Variants in ST6GALNAC6 observed in about 807,000 individuals in gnomAD.
The protein encoded by ST6GALNAC6 is alpha-N-acetylgalactosaminide alpha-2,6-sialyltransferase 6.
In ST6GALNAC6, 19 loss-of-function variants were observed where a neutral mutation model predicts 34.3. The ratio of observed to expected loss-of-function variants is 0.55; its 90% CI spans 0.39 to 0.81. The LOEUF (loss-of-function observed/expected upper bound fraction) is 0.81. ST6GALNAC6 is among the 40% of genes least tolerant of loss of function. The pLI is 0.00. For synonymous variants in ST6GALNAC6, 185 were observed against 182.1 expected, an observed-to-expected ratio of 1.02 and a Z score of -0.13; for missense variants, 377 against 467.7, an observed-to-expected ratio of 0.81 and a Z score of 1.79.
intron 2 of ST6GALNAC6, chr9:127,896,972 G>A (rs1830498130): frequency 1.0e-6 from 1 of 983,160 alleles, no homozygotes; most frequent in African/African-American, 1.7e-5. Context: ...GGATCTCTCG[G>A]GGGCTAAGGG....
intron 3 of ST6GALNAC6, 89 bp downstream of exon 3, chr9:127,896,153 T>C: frequency 7.0e-7 from 1 of 1,428,836 alleles, no homozygotes; most frequent in South Asian, 1.1e-5. Flanking sequence ...AGACTCGTGG[T>C]GGCTGGGGTC....
upstream of ST6GALNAC6, chr9:127,899,710 G>T (rs964087574): frequency 2.0e-4 from 198 of 972,260 alleles, no homozygotes; most frequent in Non-Finnish European, 2.4e-4. Flanking sequence ...CACGGGCGGC[G>T]CGGGCGGGGA....
At chr9:127,900,273 C>A (rs1257511154), upstream of ST6GALNAC6, among the ~76,000 whole-genome samples, 1 of 152,144 alleles carries the variant, frequency 6.6e-6, no homozygotes, top group Admixed American at 6.5e-5. Context: ...ATGAAGGATG[C>A]GGGCCAGGCG....
rs767269280 is a variant in ST6GALNAC6, at chr9:127,889,695, G to A, written c.704+942C>T. ...CCTGACCTCGTGATCCGTCCACTTC[G>A]GCCTCCCAAAGTACTGGGATTACAG... On this transcript the variant is annotated intron_variant, in intron 5 of 6. Coordinates refer to ENST00000373146, the MANE Select transcript of ST6GALNAC6 (RefSeq NM_013443.5). Among the ~76,000 whole-genome samples the A allele has an allele frequency of 3.3e-5, 5 of 151,880 alleles. No homozygotes were observed. The East Asian group carries it at 9.7e-4, about 29-fold the overall frequency.
chr9:127,899,808 A>G (rs1830687901), upstream of ST6GALNAC6, among the ~76,000 whole-genome samples: 1 of 152,120 alleles, frequency 6.6e-6, no homozygotes, highest in Admixed American at 6.5e-5. Context: ...ACCAAAATAC[A>G]ACAGCCTTTC....
At chr9:127,903,490 G>T (rs1433472860), upstream of ST6GALNAC6, 4 of 152,198 alleles carry the variant, frequency 2.6e-5, no homozygotes, top group African/African-American at 9.7e-5. Flanking sequence ...TATATGGGAA[G>T]TTAATACCAG....
upstream of ST6GALNAC6, chr9:127,899,622 C>G (rs946336775): frequency 1.7e-5 from 17 of 982,688 alleles, no homozygotes; most frequent in African/African-American, 2.3e-4. Flanking sequence ...CGCGGCCCGC[C>G]GGGTCCTAGC....
At chr9:127,896,425 A>G (rs1830459248) in intron 2 of ST6GALNAC6, 93 bp from the exon 3 acceptor site, 4 of 1,078,312 alleles carry the variant, frequency 3.7e-6, no homozygotes, top group Middle Eastern at 3.0e-4. Flanking sequence ...TAGTTCTTCT[A>G]TGCACCCAGA....
At chr9:127,899,648 C>G (rs1830678931), upstream of ST6GALNAC6, 1 of 983,606 alleles carries the variant, frequency 1.0e-6, no homozygotes, top group Non-Finnish European at 1.2e-6. Flanking sequence ...CGTCACGGCC[C>G]GGCCCAGGCC....
intron 2 of ST6GALNAC6, among the ~76,000 whole-genome samples, chr9:127,897,671 G>A (rs1055434163): frequency 6.6e-6 from 1 of 152,156 alleles, no homozygotes; most frequent in Non-Finnish European, 1.5e-5. Context: ...CTCACAGACC[G>A]TTAGAGCAAA....
chr9:127,901,121 T>C (rs1452147910), upstream of ST6GALNAC6, among the ~76,000 whole-genome samples: 1 of 150,968 alleles, frequency 6.6e-6, no homozygotes, highest in Non-Finnish European at 1.5e-5. Flanking sequence ...CATAGCAGCA[T>C]CGCTATGGGG....
intron 1 of ST6GALNAC6, 94 bp from the exon 2 acceptor site, chr9:127,898,104 T>C: frequency 1.4e-6 from 1 of 738,710 alleles, no homozygotes; most frequent in Non-Finnish European, 2.3e-6. Context: ...TTGAAAGTGC[T>C]CCCACATTGG....
intron 5 of ST6GALNAC6, among the ~76,000 whole-genome samples, chr9:127,888,677 G>A (rs1203659913): frequency 2.6e-5 from 4 of 152,078 alleles, no homozygotes; most frequent in South Asian, 2.1e-4. Flanking sequence ...GTGGTGGCAC[G>A]TGCCTGTGAT....
chr9:127,900,508 C>T (rs2417060), upstream of ST6GALNAC6, among the ~76,000 whole-genome samples: 69,388 of 139,174 alleles, frequency 0.5, 20,292 homozygotes, highest in Non-Finnish European at 0.64. Flanking sequence ...TGCGGTGAGC[C>T]GAGATCACGC....
chr9:127,886,460 G>C lies in ST6GALNAC6; in HGVS notation c.*139C>G. On this transcript the variant is annotated 3_prime_UTR_variant, in exon 7 of 7. Coordinates refer to ENST00000373146, the MANE Select transcript of ST6GALNAC6 (RefSeq NM_013443.5). ...TTCCCCAGGCCCTGATTGGCTGGAG[G>C]ATACATCCTCCTCAAGGCCCTGATT... 6.9e-7 allele frequency: 1 copy of C among 1,455,188 alleles called. No individual in the cohort carries two copies. The allele number at this position is 1,455,188 out of a possible 1,614,324, so 90.1% of individuals were successfully genotyped here.
At chr9:127,903,346 A>T (rs1830827423), upstream of ST6GALNAC6, 1 of 152,176 alleles carries the variant, frequency 6.6e-6, no homozygotes, top group African/African-American at 2.4e-5. Context: ...TTGTAAATGC[A>T]CACATAAAGT....
upstream of ST6GALNAC6, among the ~76,000 whole-genome samples, chr9:127,902,201 C>T (rs1363169813): frequency 2.0e-5 from 3 of 152,188 alleles, no homozygotes; most frequent in Non-Finnish European, 2.9e-5. Context: ...CTCTGTCACC[C>T]AGGCTGGAGT....
intron 5 of ST6GALNAC6, among the ~76,000 whole-genome samples, chr9:127,888,519 A>T (rs1371897027): frequency 6.8e-6 from 1 of 146,526 alleles, no homozygotes; most frequent in Non-Finnish European, 1.5e-5. Flanking sequence ...AAAAAAAAAA[A>T]AAAAATAGGC....
In ST6GALNAC6 at chr9:127,886,325, A is replaced by T; in HGVS notation, c.*274T>A. 1 of 888,182 alleles carries T rather than the reference A, an allele frequency of 1.1e-6. No individual in the cohort carries two copies. The highest frequency in any genetic ancestry group is 1.6e-6 in the Non-Finnish European group (1 of 625,374). 55.0% of individuals were successfully genotyped at this position (888,182 alleles called of 1,614,324 possible). A position where few individuals can be genotyped will look rare whatever the true frequency, so the allele number is the denominator to read the frequency against. ...AGGACATGTCCTTAGCCTCAGATTG[A>T]CTCAGAAATACCCCCTCTACCCTGA... On this transcript the variant is annotated 3_prime_UTR_variant, in exon 7 of 7. Transcript: ENST00000373146.
Sources: allele counts gnomAD v4.1 joint callset (sites outside exome capture counted in the v4.1 genomes callset), GRCh38; gene constraint gnomAD v4.1.1; transcripts MANE v1.5; gene names NCBI Gene and HGNC (gene_info 2026-07-23, HGNC 2026-07-21).